The following THADA variants were observed in gnomAD, a reference collection of about 807,000 sequenced individuals.
THADA encodes the protein THADA armadillo repeat containing, also known as tRNA (32-2'-O)-methyltransferase regulator THADA.
A neutral mutation model predicts 219.8 loss-of-function variants in THADA; 213 were observed. The ratio of observed to expected loss-of-function variants is 0.97; its 90% CI spans 0.87 to 1.09. The LOEUF (loss-of-function observed/expected upper bound fraction) is 1.09, where lower values mean the gene tolerates loss of function less well. THADA is among the 50% of genes least tolerant of loss of function. The pLI is 0.00. For synonymous variants in THADA, 1,018 were observed against 828.9 expected (o/e 1.23, Z -3.92); for missense variants, 2,956 against 2,311.3 (o/e 1.28, Z -5.72).
At chr2:43,495,121 C>T (rs1688105725) in intron 25 of THADA, among the ~76,000 whole-genome samples, 1 of 152,114 alleles carries the variant, frequency 6.6e-6, no homozygotes, top group African/African-American at 2.4e-5. Context: ...CACTTAAAAT[C>T]ACTTCAACAG....
chr2:43,265,930 AACACACACACACACACAC>A (rs56173099), intron 36 of THADA, among the ~76,000 whole-genome samples: 6,395 of 124,734 alleles, frequency 0.051, 380 homozygotes, highest in African/African-American at 0.15. Context: ...TTACTTTTGA[AACACACACACACACACAC>A]ACACACACAC....
chr2:43,374,454 T>C (rs1269461200), intron 29 of THADA, among the ~76,000 whole-genome samples: 1 of 152,188 alleles, frequency 6.6e-6, no homozygotes, highest in Non-Finnish European at 1.5e-5. Flanking sequence ...ATCTAAGTGT[T>C]TGACCCAGAG....
At chr2:43,295,646 C>G (rs1354094562) in intron 31 of THADA, among the ~76,000 whole-genome samples, 2 of 152,214 alleles carry the variant, frequency 1.3e-5, no homozygotes, top group Admixed American at 1.3e-4. Flanking sequence ...TATTTATCAT[C>G]TCATTATAAC....
At chr2:43,315,278 TAAGAG>T (rs1436471458) in intron 31 of THADA, among the ~76,000 whole-genome samples, 1 of 151,976 alleles carries the variant, frequency 6.6e-6, no homozygotes, top group Non-Finnish European at 1.5e-5. Flanking sequence ...AAATAGAAAA[TAAGAG>T]AAGGAATCTC....
chr2:43,514,412 A>C (rs1462935606), intron 22 of THADA, among the ~76,000 whole-genome samples: 1 of 147,860 alleles, frequency 6.8e-6, no homozygotes, highest in African/African-American at 2.5e-5. Flanking sequence ...GATCATGCCA[A>C]GGCACTCCAG....
At chr2:43,551,702 CAAAG>C (rs1696768227) in intron 19 of THADA, 83 bp downstream of exon 19, 1 of 1,287,968 alleles carries the variant, frequency 7.8e-7, no homozygotes, top group African/African-American at 1.6e-5. Context: ...TATATCTCCC[CAAAG>C]AAATACTTGG....
At chr2:43,327,108 TTGATTGTCA>T (rs1056898776) in intron 30 of THADA, among the ~76,000 whole-genome samples, 125 of 151,966 alleles carry the variant, frequency 8.2e-4, no homozygotes, top group African/African-American at 2.9e-3. Flanking sequence ...GAGGATTGAT[TTGATTGTCA>T]TGATTGTCAT....
chr2:43,355,210 T>A (rs1320618141), intron 29 of THADA, among the ~76,000 whole-genome samples: 1 of 152,168 alleles, frequency 6.6e-6, no homozygotes, highest in Non-Finnish European at 1.5e-5. Flanking sequence ...AGTGCAAATA[T>A]CTCTTTGATA....
At position 43,556,379 on chromosome 2, in the gene THADA, C is replaced by A. The variant is rs780267647; in HGVS notation, c.2640G>T (p.Arg880Ser). ...TGTTCCTTTCCACCACAGCAGCAGG[C>A]CTATCTCCATTATCACATGCAACTT... ...TQQVACDNGD[R>S]PAAVVERNTL... Residue 880 changes from arginine (R) to serine (S), a missense_variant, in exon 17 of 38, where the codon AGG becomes AGT. By Grantham distance (110) the Arg-to-Ser change is moderately radical. Transcript: ENST00000405975. 3.1e-6 allele frequency: 5 copies of A among 1,613,772 alleles called. No homozygotes were observed. Among genetic ancestry groups the A allele is most frequent in the Non-Finnish European group, 4.2e-6 (5 of 1,179,844 alleles).
At chr2:43,586,755 A>G (rs763469962) in intron 5 of THADA, 21 bp from the exon 6 acceptor site, 1 of 1,611,316 alleles carries the variant, frequency 6.2e-7, no homozygotes, top group South Asian at 1.1e-5. Flanking sequence ...AAAAATGAAC[A>G]CTGGTAAGGA....
At chr2:43,263,896 C>A (rs1671236829) in intron 36 of THADA, among the ~76,000 whole-genome samples, 1 of 152,028 alleles carries the variant, frequency 6.6e-6, no homozygotes, top group Admixed American at 6.5e-5. Context: ...CCTCTCACCC[C>A]ACCCCTCAAC....
chr2:43,531,245 C>T (rs1174292487), intron 21 of THADA, among the ~76,000 whole-genome samples: 1 of 152,164 alleles, frequency 6.6e-6, no homozygotes, highest in Admixed American at 6.5e-5. Context: ...AGAACTTGAA[C>T]AGGCTATTAC....
intron 36 of THADA, among the ~76,000 whole-genome samples, chr2:43,249,409 G>A (rs1329544053): frequency 6.6e-6 from 1 of 152,144 alleles, no homozygotes; most frequent in Non-Finnish European, 1.5e-5. Flanking sequence ...TTTCTAAGCA[G>A]GCTCCTTGCT....
intron 36 of THADA, among the ~76,000 whole-genome samples, chr2:43,277,952 T>C (rs1473989425): frequency 2.5e-5 from 2 of 80,056 alleles, no homozygotes; most frequent in Non-Finnish European, 4.5e-5. Context: ...AATATTGTTC[T>C]TTTTTTTTTT....
At chr2:43,303,838 C>T (rs548447091) in intron 31 of THADA, among the ~76,000 whole-genome samples, 1 of 152,192 alleles carries the variant, frequency 6.6e-6, no homozygotes, top group African/African-American at 2.4e-5. Flanking sequence ...CTCAGACCGG[C>T]GGTTCTCAAA....
At chr2:43,285,487 C>CCAG (rs1190180713) in intron 35 of THADA, among the ~76,000 whole-genome samples, 1 of 152,128 alleles carries the variant, frequency 6.6e-6, no homozygotes, top group Non-Finnish European at 1.5e-5. Flanking sequence ...CTGAGGCCTC[C>CCAG]CAGCCATGCT....
Position 43,574,940 on chromosome 2 carries a change from G to A in THADA, c.1125C>T (p.Ser375=), listed in dbSNP as rs1261317848. Residue 375 remains serine, a synonymous_variant, in exon 11 of 38, where the codon TCC becomes TCT. Coordinates refer to ENST00000405975, the MANE Select transcript of THADA (RefSeq NM_022065.5). The part of the protein sequence containing the change: ...NSAIQVLESS[S]PSLTDSLNGN... ...CATTCAGGCTGTCCGTTAGGCTCGG[G>A]GAACTTGATTCAAGGACTTGTATGG... 6.8e-6 allele frequency: 11 copies of A among 1,613,950 alleles called. No homozygotes were observed. The highest frequency in any genetic ancestry group is 1.6e-4 in the Middle Eastern group (1 of 6,062).
intron 26 of THADA, among the ~76,000 whole-genome samples, chr2:43,459,386 C>T (rs1475053164): frequency 6.6e-6 from 1 of 151,530 alleles, no homozygotes; most frequent in East Asian, 1.9e-4. Context: ...TAAGTGTTTA[C>T]ATCCCTTGTT....
chr2:43,336,913 G>A (rs1666514489), intron 30 of THADA, among the ~76,000 whole-genome samples: 1 of 152,250 alleles, frequency 6.6e-6, no homozygotes, highest in Non-Finnish European at 1.5e-5. Flanking sequence ...TACTCATCAA[G>A]GGAGGATGGC....
Sources: gnomAD v4.1 joint callset for allele counts (sites outside exome capture counted in the v4.1 genomes callset) on GRCh38, gnomAD v4.1.1 for gene constraint, MANE v1.5 for transcripts, NCBI Gene and HGNC (gene_info 2026-07-23, HGNC 2026-07-21) for gene names.